Variants in ADGRA1 observed in about 807,000 individuals in gnomAD.
ADGRA1 encodes G-protein coupled receptor 123.
ADGRA1 carries 12 observed loss-of-function variants against 21.3 expected under a neutral mutation model. The observed-to-expected ratio is 0.56, with a 90% CI of 0.36 to 0.91. The LOEUF (loss-of-function observed/expected upper bound fraction) is 0.91. Ranked by LOEUF, ADGRA1 falls within the 40% of genes least tolerant of loss-of-function variation. ADGRA1 has a pLI of 0.01. For missense variants in ADGRA1, 790 were observed against 805.6 expected, an observed-to-expected ratio of 0.98 and a Z score of 0.23; for synonymous variants, 385 against 368.8, an observed-to-expected ratio of 1.04 and a Z score of -0.50.
chr10:133,114,942 C>T (rs1852129074), intron 5 of ADGRA1, among the ~76,000 whole-genome samples: 1 of 152,226 alleles, frequency 6.6e-6, no homozygotes, highest in Admixed American at 6.5e-5. Flanking sequence ...GGGTCCACAC[C>T]TGGAATCCAC....
chr10:133,124,208 G>A (rs1038028637), intron 5 of ADGRA1, among the ~76,000 whole-genome samples: 5 of 148,696 alleles, frequency 3.4e-5, no homozygotes, highest in Non-Finnish European at 4.4e-5. Flanking sequence ...CACCCTCCCC[G>A]GCTCTGCAAC....
chr10:133,112,763 GGGGTCTGT>G lies in ADGRA1; in HGVS notation c.401+9922_401+9929del, dbSNP rs1456689320. ...GGTCTGCGGGCCGCGTCGGTTATTT[GGGGTCTGT>G]AAGCTATGTCGGTTATTTGGGGTCT... On this transcript the variant is annotated intron_variant, in intron 5 of 6. Coordinates refer to ENST00000392607, the MANE Select transcript of ADGRA1 (RefSeq NM_001083909.3). 1.0e-4 allele frequency among the ~76,000 whole-genome samples: 14 copies of G among 139,054 alleles called. 1 individual carries two copies. The highest frequency in any genetic ancestry group is 2.2e-4 in the Admixed American group (3 of 13,848). 91.2% of individuals were successfully genotyped at this position (139,054 alleles called of 152,430 possible). A position where few individuals can be genotyped will look rare whatever the true frequency, so the allele number is the denominator to read the frequency against.
chr10:133,112,778 T>TTTGAGGTCTGCGGGCCGC (rs1467598954), intron 5 of ADGRA1, among the ~76,000 whole-genome samples: 4,223 of 102,696 alleles, frequency 0.041, 265 homozygotes, highest in Non-Finnish European at 0.055. Context: ...CTGTAAGCTA[T>TTTGAGGTCTGCGGGCCGC]GTCGGTTATT....
chr10:133,112,710 G>GGGTCTGCAGGCCGCGTCGGTTATTTGA (rs1852072883), intron 5 of ADGRA1, among the ~76,000 whole-genome samples: 2 of 74,340 alleles, frequency 2.7e-5, no homozygotes, highest in Admixed American at 1.6e-4. Context: ...CAGTTATTTG[G>GGGTCTGCAGGCCGCGTCGGTTATTTGA]GGTCTGCGGG....
intron 5 of ADGRA1, among the ~76,000 whole-genome samples, chr10:133,104,217 T>C: frequency 6.6e-6 from 1 of 152,248 alleles, no homozygotes; most frequent in East Asian, 1.9e-4. Flanking sequence ...GCAGACACGT[T>C]GCCACTTAGC....
At chr10:133,128,254 C>T in intron 6 of ADGRA1, 75 bp from the exon 7 acceptor site, 1 of 1,165,518 alleles carries the variant, frequency 8.6e-7, no homozygotes. Flanking sequence ...GGGTGCAGGG[C>T]CCTTTGCTCT....
Position 133,131,422 on chromosome 10 carries a change from C to A in ADGRA1, c.*1911C>A, listed in dbSNP as rs557808771. ...CGTCCACACAAAAATACAGTCTTGGCATTGTTTGTTCTTTGTGAGGCTGGT... is the reference window on the plus strand; with the variant it reads ...CGTCCACACAAAAATACAGTCTTGGAATTGTTTGTTCTTTGTGAGGCTGGT... On this transcript the variant is annotated 3_prime_UTR_variant, in exon 7 of 7. Coordinates refer to ENST00000392607, the MANE Select transcript of ADGRA1 (RefSeq NM_001083909.3). 2.6e-5 allele frequency: 4 copies of A among 152,412 alleles called. No individual in the cohort carries two copies. In the South Asian group the frequency reaches 8.3e-4, roughly 32 times the overall value. The allele number at this position is 152,412 out of a possible 1,614,324, so 9.4% of individuals were successfully genotyped here.
At chr10:133,114,742 G>A (rs1029890678) in intron 5 of ADGRA1, among the ~76,000 whole-genome samples, 3 of 152,148 alleles carry the variant, frequency 2.0e-5, no homozygotes, top group Admixed American at 6.5e-5. Flanking sequence ...AATGCTAAGC[G>A]GGCCAGGGAT....
At chr10:133,121,668 G>A (rs1173685031) in intron 5 of ADGRA1, among the ~76,000 whole-genome samples, 1 of 147,316 alleles carries the variant, frequency 6.8e-6, no homozygotes, top group Non-Finnish European at 1.5e-5. Context: ...GTGTGTGCCA[G>A]TGTGCATGTG....
Position 133,129,760 on chromosome 10 carries a change from C to T in ADGRA1, c.*249C>T, listed in dbSNP as rs1175519876. 3.9e-6 allele frequency: 2 copies of T among 511,298 alleles called. No individual in the cohort carries two copies. Among genetic ancestry groups the T allele is most frequent in the Admixed American group, 3.5e-5 (1 of 28,886 alleles). The allele number at this position is 511,298 out of a possible 1,614,324, so 31.7% of individuals were successfully genotyped here. On this transcript the variant is annotated 3_prime_UTR_variant, in exon 7 of 7. Coordinates refer to ENST00000392607, the MANE Select transcript of ADGRA1 (RefSeq NM_001083909.3). ...GGGGAAACGCTCCGGGCCACGCCCA[C>T]TCCCCTTATCCCAATTCCGCGTGCT...
chr10:133,122,701 C>T (rs1852295008), intron 5 of ADGRA1, among the ~76,000 whole-genome samples: 1 of 152,244 alleles, frequency 6.6e-6, no homozygotes, highest in Non-Finnish European at 1.5e-5. Flanking sequence ...TGGTCACGAC[C>T]CGCGGGGCAG....
chr10:133,128,957 C>T lies in ADGRA1; in HGVS notation c.1129C>T (p.Leu377=). The change falls in exon 7 of 7, where the codon CTG becomes TTG. Residue 377 remains leucine (L), a synonymous_variant. Transcript: ENST00000392607. ...GGCCGCGCAGGGCCACGCCAGTTGC[C>T]TGTCACCGGCCACCCCGTGCTGCGC... The part of the protein sequence containing the change: ...LQAAQGHASC[L]SPATPCCAKM... 6.4e-7 allele frequency: 1 copy of T among 1,556,788 alleles called. No homozygotes were observed. The highest frequency in any genetic ancestry group is 8.7e-7 in the Non-Finnish European group (1 of 1,153,146).
At chr10:133,113,274 G>A (rs2135894881) in intron 5 of ADGRA1, among the ~76,000 whole-genome samples, 1 of 152,326 alleles carries the variant, frequency 6.6e-6, no homozygotes, top group Non-Finnish European at 1.5e-5. Context: ...GGGGTCTGTG[G>A]GCCGTGTTTC....
At position 133,128,574 on chromosome 10, in the gene ADGRA1, A is replaced by T; in HGVS notation, c.746A>T (p.Glu249Val). ...DAPGASVLQN[E>V]HSFQAQLRAA... Reference sequence around the variant, plus strand: ...CCCGGCGCCTCCGTGCTGCAGAACGAGCACTCATTCCAGGCACAGCTGCGC... The same window carrying T: ...CCCGGCGCCTCCGTGCTGCAGAACGTGCACTCATTCCAGGCACAGCTGCGC... The change falls in exon 7 of 7, where the codon GAG becomes GTG. Residue 249 changes from glutamate to valine, a missense_variant. By Grantham distance (121) the Glu-to-Val change is moderately radical. Transcript: ENST00000392607. The T allele has an allele frequency of 6.3e-7, 1 of 1,580,850 alleles. No individual in the cohort carries two copies. The highest frequency in any genetic ancestry group is 8.6e-7 in the Non-Finnish European group (1 of 1,165,552).
At chr10:133,115,069 G>C (rs1416951920) in intron 5 of ADGRA1, among the ~76,000 whole-genome samples, 1 of 152,212 alleles carries the variant, frequency 6.6e-6, no homozygotes, top group East Asian at 1.9e-4. Context: ...TTCCAGTGGA[G>C]GGGTGGCTAG....
intron 2 of ADGRA1, chr10:133,095,726 C>T: frequency 6.3e-7 from 1 of 1,598,334 alleles, no homozygotes; most frequent in Non-Finnish European, 8.5e-7. Flanking sequence ...GAAGTGTGGC[C>T]TCAGGAGGGA....
At chr10:133,118,770 T>C (rs748483498) in intron 5 of ADGRA1, among the ~76,000 whole-genome samples, 3 of 152,132 alleles carry the variant, frequency 2.0e-5, no homozygotes, top group Non-Finnish European at 4.4e-5. Context: ...CCAAACCATA[T>C]CATGTGCACT....
chr10:133,093,027 T>A (rs779103241), intron 2 of ADGRA1: 1 of 1,595,342 alleles, frequency 6.3e-7, no homozygotes, highest in African/African-American at 1.3e-5. Context: ...CAGTCGGAGC[T>A]GCAGACCTGG....
At chr10:133,089,194 C>A in intron 2 of ADGRA1, 2 of 506,282 alleles carry the variant, frequency 4.0e-6, no homozygotes, top group Non-Finnish European at 6.1e-6. Context: ...CGACGTCCCT[C>A]CCGCAAAGCT....
Sources: gnomAD v4.1 joint callset for allele counts (sites outside exome capture counted in the v4.1 genomes callset) on GRCh38, gnomAD v4.1.1 for gene constraint, MANE v1.5 for transcripts, NCBI Gene and HGNC (gene_info 2026-07-23, HGNC 2026-07-21) for gene names.